Variants in TTC12 observed in about 807,000 individuals in gnomAD.
TTC12 encodes the protein tetratricopeptide repeat domain 12.
In TTC12, 70 loss-of-function variants were observed where a neutral mutation model predicts 90.1. The observed-to-expected ratio is 0.78, with a 90% confidence interval of 0.64 to 0.95. TTC12 has a LOEUF of 0.95. Ranked by LOEUF, TTC12 falls within the 40% of genes least tolerant of loss-of-function variation. The pLI, the probability that TTC12 is intolerant of heterozygous loss-of-function variation, is 0.00. For synonymous variants in TTC12, 296 were observed against 311.5 expected, an observed-to-expected ratio of 0.95 and a Z score of 0.53; for missense variants, 819 against 846.1, an observed-to-expected ratio of 0.97 and a Z score of 0.40.
intron 10 of TTC12, 83 bp downstream of exon 10, chr11:113,339,557 ATCCC>A: frequency 8.1e-7 from 1 of 1,239,256 alleles, no homozygotes; most frequent in Non-Finnish European, 1.1e-6. Flanking sequence ...CAGGCCAAGA[ATCCC>A]TCCCTTCCTT....
chr11:113,332,826 C>T (rs1948140270), intron 7 of TTC12, among the ~76,000 whole-genome samples: 1 of 152,194 alleles, frequency 6.6e-6, no homozygotes. Context: ...CCACTCCCTG[C>T]CCTAGCTGAC....
At chr11:113,359,309 C>T in intron 16 of TTC12, 54 bp from the exon 17 acceptor site, 3 of 1,204,310 alleles carry the variant, frequency 2.5e-6, no homozygotes, top group Non-Finnish European at 2.4e-6. Flanking sequence ...AAAAGATGAC[C>T]ATAAAAAGCT....
chr11:113,357,470 G>T (rs890824589), intron 16 of TTC12, among the ~76,000 whole-genome samples: 2 of 152,094 alleles, frequency 1.3e-5, no homozygotes, highest in African/African-American at 4.8e-5. Flanking sequence ...CTTTCTGGAG[G>T]GGTGTTATGG....
At chr11:113,341,264 A>G (rs1948665380) in intron 11 of TTC12, among the ~76,000 whole-genome samples, 1 of 152,210 alleles carries the variant, frequency 6.6e-6, no homozygotes, top group South Asian at 2.1e-4. Flanking sequence ...GAGGAACAGC[A>G]GCACTTCCCA....
intron 13 of TTC12, among the ~76,000 whole-genome samples, chr11:113,346,844 G>A (rs925786169): frequency 6.6e-6 from 1 of 151,816 alleles, no homozygotes; most frequent in African/African-American, 2.4e-5. Flanking sequence ...TTTCTCTTAG[G>A]GTATATTGTT....
Position 113,363,892 on chromosome 11 carries a change from A to C in TTC12, c.1781A>C (p.His594Pro). ...CTAGCTATCTGCACGAATAGTTATC[A>C]TGAAGCTCGGGAAGAAGTAATAAGA... ...KILAICTNSYHEAREEVIRLD... is the reference protein window; with the variant it reads ...KILAICTNSYPEAREEVIRLD... The change falls in exon 20 of 22, where the codon CAT (histidine) becomes CCT (proline). Residue 594 changes from histidine (H) to proline (P), a missense_variant. Transcript: ENST00000529221. The C allele has an allele frequency of 6.2e-7, 1 of 1,613,976 alleles. No homozygotes were observed. The highest frequency in any genetic ancestry group is 8.5e-7 in the Non-Finnish European group (1 of 1,179,788).
At position 113,334,987 on chromosome 11, in the gene TTC12, G is replaced by C. The variant is rs781895156; in HGVS notation, c.526G>C (p.Ala176Pro). 6.2e-7 allele frequency: 1 copy of C among 1,613,844 alleles called. No homozygotes were observed. The stretch of plus-strand genomic sequence containing the variant: ...GCAGTGTGATGAAAAATGCACAAAA[G>C]CATATTTTCACATGGGAAAAGCCAA... ...ALKCDEKCTK[A>P]YFHMGKANLA... Residue 176 changes from alanine (A) to proline (P), a missense_variant, in exon 8 of 22, where the codon GCA becomes CCA. Ala to Pro is a conservative substitution (Grantham distance 27, BLOSUM62 -1). Coordinates refer to ENST00000529221, the MANE Select transcript of TTC12 (RefSeq NM_017868.4).
rs1555134267 is a variant in TTC12 at position 113,314,613 on chromosome 11, A to T, written c.-21A>T. 2 of 152,834 alleles carry T rather than the reference A, an allele frequency of 1.3e-5. No individual in the cohort carries two copies. Among genetic ancestry groups the T allele is most frequent in the African/African-American group, 2.4e-5 (1 of 41,450 alleles). The allele number at this position is 152,834 out of a possible 1,614,324, so 9.5% of individuals were successfully genotyped here. A position where few individuals can be genotyped will look rare whatever the true frequency, so the allele number is the denominator to read the frequency against. ...GCCATTTCCTGTCCAAAGCTGGGCG[A>T]ATCAGGTCGGTGCCGCGGGGTACCC... On this transcript the variant is annotated 5_prime_UTR_variant, in exon 1 of 22. Transcript: ENST00000529221.
intron 7 of TTC12, among the ~76,000 whole-genome samples, chr11:113,333,396 T>TCTAAAA (rs1948172449): frequency 6.6e-6 from 1 of 152,210 alleles, no homozygotes; most frequent in Non-Finnish European, 1.5e-5. Flanking sequence ...GACTGCATTT[T>TCTAAAA]AGAGAATATT....
chr11:113,357,445 G>C (rs1178294513), intron 16 of TTC12, among the ~76,000 whole-genome samples: 1 of 152,172 alleles, frequency 6.6e-6, no homozygotes, highest in Non-Finnish European at 1.5e-5. Context: ...AGCCATGTCA[G>C]CCTGGTTTAG....
Position 113,365,059 on chromosome 11 carries a change from A to G in TTC12, c.2041A>G (p.Arg681Gly). Residue 681 changes from arginine to glycine, a missense_variant and splice_region_variant, in exon 21 of 22, where the codon AGA (arginine) becomes GGA (glycine). Coordinates refer to ENST00000529221, the MANE Select transcript of TTC12 (RefSeq NM_017868.4). ...GGGGAAGCTGTGCACAGCTGAGCCC[A>G]GGTATGCTGTGGACACGGAGCCAGG... ...ALGKLCTAEPRFAAQLRKLHG... is the reference protein window; with the variant it reads ...ALGKLCTAEPGFAAQLRKLHG... 3.1e-6 allele frequency: 5 copies of G among 1,613,150 alleles called. No homozygotes were observed. The highest frequency in any genetic ancestry group is 3.4e-6 in the Non-Finnish European group (4 of 1,179,292).
At chr11:113,367,770 T>G (rs1255380269), downstream of TTC12, among the ~76,000 whole-genome samples, 1 of 152,160 alleles carries the variant, frequency 6.6e-6, no homozygotes, top group Non-Finnish European at 1.5e-5. Flanking sequence ...TCATTCAGAT[T>G]GATGTACTGC....
At chr11:113,336,816 G>A (rs1238366313) in intron 8 of TTC12, among the ~76,000 whole-genome samples, 4 of 152,086 alleles carry the variant, frequency 2.6e-5, no homozygotes, top group Non-Finnish European at 5.9e-5. Flanking sequence ...TTTCAAGATT[G>A]TTTTAACTAT....
At chr11:113,323,149 C>A in intron 2 of TTC12, 139 bp from the exon 3 acceptor site, 6 of 265,578 alleles carry the variant, frequency 2.3e-5, no homozygotes, top group Non-Finnish European at 3.3e-5. Flanking sequence ...CTCATTGGTT[C>A]TGCTTGCTCT....
intron 7 of TTC12, among the ~76,000 whole-genome samples, chr11:113,334,620 G>A (rs984667886): frequency 6.6e-6 from 1 of 151,514 alleles, no homozygotes; most frequent in Non-Finnish European, 1.5e-5. Flanking sequence ...TTGACATGGG[G>A]TGCAGGGCCG....
intron 6 of TTC12, 54 bp downstream of exon 6, chr11:113,325,699 A>C: frequency 1.3e-6 from 2 of 1,599,506 alleles, no homozygotes; most frequent in Non-Finnish European, 1.7e-6. Context: ...AGTTGCCACT[A>C]AACTTGGGAA....
chr11:113,333,219 T>C (rs1239776176), intron 7 of TTC12, among the ~76,000 whole-genome samples: 1 of 151,924 alleles, frequency 6.6e-6, no homozygotes, highest in African/African-American at 2.4e-5. Context: ...TGGGGTCTGC[T>C]CTCCACCCTG....
intron 21 of TTC12, among the ~76,000 whole-genome samples, chr11:113,365,794 C>G (rs1305366211): frequency 6.6e-6 from 1 of 152,246 alleles, no homozygotes; most frequent in African/African-American, 2.4e-5. Flanking sequence ...CATCCACATG[C>G]CTTTAATTCC....
At position 113,338,348 on chromosome 11, in the gene TTC12, C is replaced by CT. The variant is rs782073839; in HGVS notation, c.577-422dup. Among the ~76,000 whole-genome samples, 10 of 152,296 alleles carry CT rather than the reference C, an allele frequency of 6.6e-5. No homozygotes were observed. The East Asian group carries it at 1.3e-3, about 21-fold the overall frequency. On this transcript the variant is annotated intron_variant, in intron 8 of 21. Coordinates refer to ENST00000529221, the MANE Select transcript of TTC12 (RefSeq NM_017868.4). ...CTTGTACATTTAACTAGGCAGTTCT[C>CT]TTTTCCTGTTCCCAAGTCTCTGTCA...
Sources: gnomAD v4.1 joint callset for allele counts (sites outside exome capture counted in the v4.1 genomes callset) on GRCh38, gnomAD v4.1.1 for gene constraint, MANE v1.5 for transcripts, NCBI Gene and HGNC (gene_info 2026-07-23, HGNC 2026-07-21) for gene names.